Variants in EDARADD observed in about 807,000 individuals in gnomAD.
EDARADD encodes the protein EDAR associated via death domain.
In EDARADD, 20 loss-of-function variants were observed where a neutral mutation model predicts 25.6. The ratio of observed to expected loss-of-function variants is 0.78; its 90% CI spans 0.55 to 1.14. The LOEUF (loss-of-function observed/expected upper bound fraction) is 1.14. Ranked by LOEUF, EDARADD falls within the 50% of genes most tolerant of loss-of-function variation. The pLI, the probability that EDARADD is intolerant of heterozygous loss-of-function variation, is 0.00. For synonymous variants in EDARADD, 86 were observed against 94.4 expected (o/e 0.91, Z 0.52); for missense variants, 225 against 270.1 (o/e 0.83, Z 1.17).
intron 4 of EDARADD, among the ~76,000 whole-genome samples, chr1:236,459,611 CTTTTTTT>C (rs397860471): frequency 1.0e-5 from 1 of 100,462 alleles, no homozygotes; most frequent in Non-Finnish European, 2.0e-5. Context: ...TTATTTAGCT[CTTTTTTT>C]TTTTTTTTTT....
chr1:236,385,358 G>A (rs539053909), intron 3 of EDARADD, among the ~76,000 whole-genome samples: 6 of 143,346 alleles, frequency 4.2e-5, no homozygotes, highest in African/African-American at 1.3e-4. Context: ...GCAGTGAGCC[G>A]AGATTGCACC....
At chr1:236,378,175 T>C (rs905436083) in intron 3 of EDARADD, among the ~76,000 whole-genome samples, 1 of 152,174 alleles carries the variant, frequency 6.6e-6, no homozygotes, top group African/African-American at 2.4e-5. Flanking sequence ...TCCAGGCCAG[T>C]TAATTTCTCA....
chr1:236,429,113 G>A (rs906601585), intron 4 of EDARADD, among the ~76,000 whole-genome samples: 16 of 152,100 alleles, frequency 1.1e-4, no homozygotes, highest in Non-Finnish European at 2.2e-4. Context: ...CTGGGCATCA[G>A]AGGGAGACCG....
Position 236,395,716 on chromosome 1 carries a change from T to A in EDARADD, c.61+1211T>A, listed in dbSNP as rs1245122787. 1 of 1,525,268 alleles carries A rather than the reference T, an allele frequency of 6.6e-7. No individual in the cohort carries two copies. The highest frequency in any genetic ancestry group is 8.8e-7 in the Non-Finnish European group (1 of 1,142,028). The allele number at this position is 1,525,268 out of a possible 1,614,324, so 94.5% of individuals were successfully genotyped here. A position where few individuals can be genotyped will look rare whatever the true frequency, so the allele number is the denominator to read the frequency against. ...GGAGCGAGCACCGCGGGGCGGGAGC[T>A]CGGGAGGCGCTCGCAGCAGCCGCAG... On this transcript the variant is annotated intron_variant, in intron 1 of 5. Transcript: ENST00000334232. This position sits in a 1 kb window ranked among gnomAD's most constrained non-coding sequence, Gnocchi z 6.9.
At chr1:236,372,058 G>A (rs56094190) in intron 3 of EDARADD, among the ~76,000 whole-genome samples, 394 of 152,172 alleles carry the variant, frequency 2.6e-3, no homozygotes, top group African/African-American at 9.1e-3. Flanking sequence ...CCGGGTTCAA[G>A]CAATTCTATT....
At chr1:236,403,349 G>C (rs532407673) in intron 1 of EDARADD, among the ~76,000 whole-genome samples, 1 of 152,068 alleles carries the variant, frequency 6.6e-6, no homozygotes, top group African/African-American at 2.4e-5. Context: ...GTGCAGTGGC[G>C]TGATCTCGAC....
chr1:236,405,781 CTTTCTTTCT>C (rs775296742), intron 1 of EDARADD, among the ~76,000 whole-genome samples: 4,857 of 62,844 alleles, frequency 0.077, 312 homozygotes, highest in Non-Finnish European at 0.087. Context: ...TTCTTTCTTT[CTTTCTTTCT>C]TTTCTTTTTC....
chr1:236,366,741 C>CTCT (rs146073425), intron 3 of EDARADD, among the ~76,000 whole-genome samples: 5 of 144,204 alleles, frequency 3.5e-5, no homozygotes, highest in East Asian at 2.1e-4. Flanking sequence ...TCATCTCTCT[C>CTCT]TTTTTTTTGT....
At chr1:236,481,324 G>A (rs1220700210) in intron 5 of EDARADD, among the ~76,000 whole-genome samples, 2 of 152,118 alleles carry the variant, frequency 1.3e-5, no homozygotes, top group Non-Finnish European at 2.9e-5. Context: ...CTTTTACCCC[G>A]GAGAGAGTTC....
In EDARADD at chr1:236,484,412, G is replaced by T; in HGVS notation, c.*1763G>T. 1.2e-6 allele frequency: 2 copies of T among 1,610,268 alleles called. No individual in the cohort carries two copies. The highest frequency in any genetic ancestry group is 1.7e-6 in the Non-Finnish European group (2 of 1,177,682). On this transcript the variant is annotated 3_prime_UTR_variant, in exon 6 of 6. Coordinates refer to ENST00000334232, the MANE Select transcript of EDARADD (RefSeq NM_145861.4). The surrounding 1 kb of genome is among the most constrained non-coding windows in gnomAD (Gnocchi z 4.1). ...ACCAGCTCCTCAGAATTGAAGAGGA[G>T]CTGGGCAGCAAGGCTAAGTTTGCCG... is the stretch of plus-strand genomic sequence containing the variant.
intron 3 of EDARADD, among the ~76,000 whole-genome samples, chr1:236,388,926 T>TA (rs1429550999): frequency 2.6e-5 from 4 of 152,238 alleles, no homozygotes; most frequent in African/African-American, 7.2e-5. Flanking sequence ...TACTGAACGC[T>TA]AGCTATGGTC....
At chr1:236,427,677 A>G (rs1312504803) in intron 4 of EDARADD, among the ~76,000 whole-genome samples, 1 of 152,174 alleles carries the variant, frequency 6.6e-6, no homozygotes, top group Non-Finnish European at 1.5e-5. Context: ...ATACTCTTCT[A>G]CATGCCAACA....
intron 3 of EDARADD, among the ~76,000 whole-genome samples, chr1:236,379,971 T>A (rs1270596885): frequency 6.6e-6 from 1 of 152,214 alleles, no homozygotes; most frequent in Non-Finnish European, 1.5e-5. Flanking sequence ...CCACTAAAAT[T>A]GCTGTGTTAC....
chr1:236,416,413 A>G (rs1657642779), intron 3 of EDARADD, among the ~76,000 whole-genome samples: 2 of 152,228 alleles, frequency 1.3e-5, no homozygotes, highest in Non-Finnish European at 2.9e-5. Flanking sequence ...TCGTGGTGCC[A>G]TCAGGCTCAA....
At chr1:236,352,440 C>T (rs985347860) in intron 3 of EDARADD, among the ~76,000 whole-genome samples, 4 of 152,146 alleles carry the variant, frequency 2.6e-5, no homozygotes, top group East Asian at 1.9e-4. Flanking sequence ...TTCAGTGGCT[C>T]GTGCCTATAA....
chr1:236,447,170 C>CTTTCTTTCTTTCTT (rs1491458683), intron 4 of EDARADD, among the ~76,000 whole-genome samples: 8 of 93,712 alleles, frequency 8.5e-5, no homozygotes, highest in African/African-American at 4.0e-4. Context: ...CCCTCCCTCC[C>CTTTCTTTCTTTCTT]TCTTTCTTTC....
intron 3 of EDARADD, among the ~76,000 whole-genome samples, chr1:236,418,349 A>G (rs986480263): frequency 1.1e-4 from 17 of 151,262 alleles, no homozygotes; most frequent in African/African-American, 2.4e-4. Context: ...GGCTCAAGCA[A>G]TTCTCTCACT....
intron 5 of EDARADD, among the ~76,000 whole-genome samples, chr1:236,472,917 G>T (rs907498645): frequency 6.6e-6 from 1 of 150,742 alleles, no homozygotes; most frequent in African/African-American, 2.5e-5. Context: ...TAGCAATCTT[G>T]CGGCTGCCTT....
Position 236,414,303 on chromosome 1 carries a change from T to C in EDARADD, c.160+4T>C, listed in dbSNP as rs370538737. ...CAAGATACGGAACTCCCTAAAGGTA[T>C]GTACAGTTAAAATAACTACTTGAAC... On this transcript the variant is annotated splice_donor_region_variant and intron_variant, in intron 3 of 5. Transcript: ENST00000334232. 1.2e-6 allele frequency: 2 copies of C among 1,606,322 alleles called. No homozygotes were observed. Among genetic ancestry groups the C allele is most frequent in the Admixed American group, 1.7e-5 (1 of 59,934 alleles).
Sources: gnomAD v4.1 joint callset for allele counts (sites outside exome capture counted in the v4.1 genomes callset) on GRCh38, gnomAD v4.1.1 for gene constraint, Gnocchi (gnomAD v3.1) non-coding constraint, MANE v1.5 for transcripts, NCBI Gene and HGNC (gene_info 2026-07-23, HGNC 2026-07-21) for gene names.